Variants in MPHOSPH6 observed in about 807,000 individuals in gnomAD.
MPHOSPH6 encodes the protein M-phase phosphoprotein 6.
In MPHOSPH6, 25 loss-of-function variants were observed where a neutral mutation model predicts 21.8. The ratio of observed to expected loss-of-function variants is 1.15; its 90% CI spans 0.83 to 1.60. The LOEUF (loss-of-function observed/expected upper bound fraction) is 1.60. MPHOSPH6 is among the 40% of genes most tolerant of loss of function. The probability of loss-of-function intolerance (pLI) is 0.00; values close to 1 mark genes in which losing one functional copy is unlikely to be tolerated. For missense variants in MPHOSPH6, 269 were observed against 181.8 expected, an observed-to-expected ratio of 1.48 and a Z score of -2.76; for synonymous variants, 84 against 56.5, an observed-to-expected ratio of 1.49 and a Z score of -2.18.
At chr16:82,149,710 A>T (rs1012118595) in intron 3 of MPHOSPH6, among the ~76,000 whole-genome samples, 1 of 152,242 alleles carries the variant, frequency 6.6e-6, no homozygotes, top group Non-Finnish European at 1.5e-5. Context: ...CATTCCGGTG[A>T]GTGGGGGAAG....
chr16:82,149,263 A>G (rs752455590), intron 4 of MPHOSPH6, 46 bp downstream of exon 4: 5 of 1,585,480 alleles, frequency 3.2e-6, no homozygotes, highest in Admixed American at 3.3e-5. Flanking sequence ...GGGAGAGCCA[A>G]TGAATGCTAG....
chr16:82,166,817 ATGTACCTATTCTTTTGG>A (rs1906796954), intron 1 of MPHOSPH6, among the ~76,000 whole-genome samples: 1 of 152,110 alleles, frequency 6.6e-6, no homozygotes, highest in African/African-American at 2.4e-5. Flanking sequence ...CCATTTAGTC[ATGTACCTATTCTTTTGG>A]TATACAACAG....
At chr16:82,166,238 G>T (rs1265550357) in intron 1 of MPHOSPH6, among the ~76,000 whole-genome samples, 1 of 152,194 alleles carries the variant, frequency 6.6e-6, no homozygotes, top group African/African-American at 2.4e-5. Context: ...AAAAGTAAAA[G>T]AAAACAAGTT....
intron 2 of MPHOSPH6, chr16:82,162,195 C>G (rs897708492): frequency 2.0e-5 from 3 of 152,212 alleles, no homozygotes; most frequent in Non-Finnish European, 2.9e-5. Context: ...TGACACAAAA[C>G]AGGTTAAGTA....
intron 2 of MPHOSPH6, among the ~76,000 whole-genome samples, chr16:82,153,894 C>T (rs1906346923): frequency 1.3e-5 from 2 of 152,142 alleles, no homozygotes; most frequent in South Asian, 4.1e-4. Flanking sequence ...GAAGCTTCCA[C>T]GGTTACAAGG....
At chr16:82,149,649 C>A (rs1268419223) in intron 3 of MPHOSPH6, among the ~76,000 whole-genome samples, 1 of 152,230 alleles carries the variant, frequency 6.6e-6, no homozygotes, top group East Asian at 1.9e-4. Flanking sequence ...TATTTAAGAT[C>A]ATAAATCTTA....
chr16:82,149,299 G>A lies in MPHOSPH6; in HGVS notation c.350+10C>T. On this transcript the variant is annotated intron_variant, in intron 4 of 4. Coordinates refer to ENST00000258169, the MANE Select transcript of MPHOSPH6 (RefSeq NM_005792.2). Reference sequence around the variant, plus strand: ...GTCCAGATTAGAAGGCTGCTGCGCAGCACGGTTACCTTCTAGCCATCTCTT... The same window carrying A: ...GTCCAGATTAGAAGGCTGCTGCGCAACACGGTTACCTTCTAGCCATCTCTT... 2 of 1,612,240 alleles carry A rather than the reference G, an allele frequency of 1.2e-6. No individual in the cohort carries two copies. The highest frequency in any genetic ancestry group is 2.2e-5 in the South Asian group (2 of 91,078).
intron 2 of MPHOSPH6, among the ~76,000 whole-genome samples, chr16:82,155,894 C>T (rs1190473766): frequency 6.8e-6 from 1 of 146,784 alleles, no homozygotes; most frequent in Non-Finnish European, 1.5e-5. Context: ...GACAGAGTGA[C>T]ACTCTGTCTC....
intron 1 of MPHOSPH6, 41 bp from the exon 2 acceptor site, chr16:82,164,235 T>A (rs1052205908): frequency 7.5e-7 from 1 of 1,340,676 alleles, no homozygotes; most frequent in Admixed American, 1.9e-5. Flanking sequence ...ACTTTTCCCA[T>A]TTTAGAACTG....
chr16:82,156,976 C>A (rs543579944), intron 2 of MPHOSPH6, among the ~76,000 whole-genome samples: 4 of 152,112 alleles, frequency 2.6e-5, no homozygotes, highest in Non-Finnish European at 5.9e-5. Flanking sequence ...CCGCTTGAAC[C>A]TGGGAAGCAG....
chr16:82,165,128 T>C (rs1465412210), intron 1 of MPHOSPH6, among the ~76,000 whole-genome samples: 1 of 88,578 alleles, frequency 1.1e-5, no homozygotes, highest in Non-Finnish European at 2.0e-5. Context: ...TTTATTTTTT[T>C]TTTTATTTTT....
chr16:82,169,447 G>A (rs1216576639), intron 1 of MPHOSPH6, among the ~76,000 whole-genome samples: 1 of 152,176 alleles, frequency 6.6e-6, no homozygotes, highest in South Asian at 2.1e-4. Flanking sequence ...AGGGAGTTCT[G>A]CCAGCAGACT....
chr16:82,163,437 CTG>C (rs1315478420), intron 2 of MPHOSPH6, among the ~76,000 whole-genome samples: 1 of 152,192 alleles, frequency 6.6e-6, no homozygotes, highest in East Asian at 1.9e-4. Flanking sequence ...GGGCCAGAAA[CTG>C]TCTACCCCAG....
chr16:82,161,853 G>A (rs190360198), intron 2 of MPHOSPH6, among the ~76,000 whole-genome samples: 8 of 152,324 alleles, frequency 5.3e-5, no homozygotes, highest in African/African-American at 1.7e-4. Context: ...GTGAGGCAGT[G>A]TTAACACTGA....
At chr16:82,163,896 A>G in intron 2 of MPHOSPH6, 186 bp downstream of exon 2, 1 of 504,912 alleles carries the variant, frequency 2.0e-6, no homozygotes. Flanking sequence ...GAGGGGGAGT[A>G]GTAAAAATGT....
At chr16:82,163,988 T>C (rs1303355049) in intron 2 of MPHOSPH6, 94 bp downstream of exon 2, 3 of 763,234 alleles carry the variant, frequency 3.9e-6, no homozygotes, top group Non-Finnish European at 6.4e-6. Context: ...AACAATTTCA[T>C]GGGCTTTATG....
intron 1 of MPHOSPH6, among the ~76,000 whole-genome samples, chr16:82,166,380 C>A (rs1417203086): frequency 6.6e-6 from 1 of 152,214 alleles, no homozygotes. Flanking sequence ...TAACACGTTT[C>A]CATTTTCTGC....
At chr16:82,162,822 T>G (rs80036429) in intron 2 of MPHOSPH6, among the ~76,000 whole-genome samples, 1 of 152,140 alleles carries the variant, frequency 6.6e-6, no homozygotes, top group East Asian at 1.9e-4. Flanking sequence ...CAGAAAGAAA[T>G]GTAAAGGTCA....
At chr16:82,161,829 TAA>T (rs1445322044) in intron 2 of MPHOSPH6, among the ~76,000 whole-genome samples, 1 of 152,214 alleles carries the variant, frequency 6.6e-6, no homozygotes, top group African/African-American at 2.4e-5. Flanking sequence ...AGCCACTGGC[TAA>T]AAGTGTCCCC....
Sources: allele counts gnomAD v4.1 joint callset (sites outside exome capture counted in the v4.1 genomes callset), GRCh38; gene constraint gnomAD v4.1.1; transcripts MANE v1.5; gene names NCBI Gene and HGNC (gene_info 2026-07-23, HGNC 2026-07-21).